EYS: variants seen among roughly 807,000 people sequenced by gnomAD.
EYS encodes the protein EGF-like photoreceptor maintenance factor, also known as protein eyes shut homolog.
In EYS, 250 loss-of-function variants were observed where a neutral mutation model predicts 282.1. The ratio of observed to expected loss-of-function variants is 0.89; its 90% CI spans 0.80 to 0.98. EYS has a LOEUF of 0.98. Among genes scored for constraint, EYS ranks in the 50% least tolerant of loss-of-function variants. The pLI, the probability that EYS is intolerant of heterozygous loss-of-function variation, is 0.00. For synonymous variants in EYS, 1,355 were observed against 1,282.9 expected (o/e 1.06, Z -1.20); for missense variants, 4,016 against 3,709.0 (o/e 1.08, Z -2.15).
chr6:65,001,105 A>G (rs1232670371), intron 13 of EYS, among the ~76,000 whole-genome samples: 5 of 146,358 alleles, frequency 3.4e-5, no homozygotes, highest in Non-Finnish European at 7.7e-5. Flanking sequence ...CCAGTGTTAC[A>G]ATGCTCTCAG....
intron 12 of EYS, among the ~76,000 whole-genome samples, chr6:65,231,029 C>T (rs905934327): frequency 4.2e-5 from 6 of 142,558 alleles, no homozygotes; most frequent in Non-Finnish European, 9.2e-5. Flanking sequence ...AACAAACCTG[C>T]ACTTGTACCC....
chr6:64,010,420 A>C (rs1768564620), intron 33 of EYS, among the ~76,000 whole-genome samples: 1 of 149,188 alleles, frequency 6.7e-6, no homozygotes. Context: ...GTGTGGAGAG[A>C]AGGGGGACAG....
chr6:65,610,511 T>A (rs1253018350), intron 2 of EYS, among the ~76,000 whole-genome samples: 1 of 152,102 alleles, frequency 6.6e-6, no homozygotes, highest in Non-Finnish European at 1.5e-5. Flanking sequence ...AGAACCTTTG[T>A]CAAAAGGTGC....
chr6:65,201,025 T>C (rs1351889174), intron 12 of EYS, among the ~76,000 whole-genome samples: 1 of 152,180 alleles, frequency 6.6e-6, no homozygotes, highest in Non-Finnish European at 1.5e-5. Context: ...ATAGTGATAC[T>C]TTATTTTGAA....
At chr6:63,931,217 A>G (rs1387715000) in intron 35 of EYS, among the ~76,000 whole-genome samples, 1 of 152,180 alleles carries the variant, frequency 6.6e-6, no homozygotes, top group Admixed American at 6.5e-5. Flanking sequence ...GAGCCACCCC[A>G]TACATCTGCT....
At chr6:63,942,875 A>T (rs1765285107) in intron 35 of EYS, among the ~76,000 whole-genome samples, 2 of 152,162 alleles carry the variant, frequency 1.3e-5, no homozygotes, top group Admixed American at 1.3e-4. Flanking sequence ...CAGCCTACTC[A>T]ATGTGAAGAC....
At chr6:64,004,291 C>T (rs1180811951) in intron 33 of EYS, among the ~76,000 whole-genome samples, 1 of 151,502 alleles carries the variant, frequency 6.6e-6, no homozygotes, top group Non-Finnish European at 1.5e-5. Context: ...GAATATATTT[C>T]TTTTTTGTGT....
intron 14 of EYS, among the ~76,000 whole-genome samples, chr6:64,950,628 A>G (rs1046442057): frequency 6.6e-5 from 10 of 151,056 alleles, no homozygotes; most frequent in African/African-American, 2.4e-4. Context: ...ATATTTTATA[A>G]AATTCAATAC....
chr6:64,846,142 C>G (rs1350938723), intron 19 of EYS, among the ~76,000 whole-genome samples: 1 of 152,090 alleles, frequency 6.6e-6, no homozygotes, highest in East Asian at 1.9e-4. Flanking sequence ...TTTCTTATTT[C>G]TGATTAATAC....
At chr6:64,204,330 T>A (rs1765556703) in intron 31 of EYS, among the ~76,000 whole-genome samples, 1 of 152,170 alleles carries the variant, frequency 6.6e-6, no homozygotes, top group Non-Finnish European at 1.5e-5. Flanking sequence ...AAGTTAAACG[T>A]AAACCTACCC....
chr6:65,442,953 CATACATATGTACATATATGTATAT>C (rs998463305), intron 5 of EYS, among the ~76,000 whole-genome samples: 2 of 142,024 alleles, frequency 1.4e-5, no homozygotes, highest in Non-Finnish European at 3.2e-5. Flanking sequence ...TATACATGCA[CATACATATGTACATATATGTATAT>C]ATACATATGT....
At chr6:64,656,870 T>C (rs1302429797) in intron 22 of EYS, among the ~76,000 whole-genome samples, 1 of 152,206 alleles carries the variant, frequency 6.6e-6, no homozygotes, top group South Asian at 2.1e-4. Flanking sequence ...AAGGTTGAAA[T>C]GGTAGGATGA....
Position 65,480,087 on chromosome 6 carries a change from C to T in EYS, c.862+10507G>A, listed in dbSNP as rs550442315. On this transcript the variant is annotated intron_variant, in intron 5 of 42. Coordinates refer to ENST00000503581, the MANE Select transcript of EYS (RefSeq NM_001142800.2). ...GGCTGAGGCAGGAGAATCGCTTGAA[C>T]CCAGGAGGCACAGGTTGCAGTGAGC... Among the ~76,000 whole-genome samples, 39 of 152,070 alleles carry T rather than the reference C, an allele frequency of 2.6e-4. No individual in the cohort carries two copies. In the South Asian group the frequency reaches 3.5e-3, roughly 14 times the overall value.
intron 11 of EYS, among the ~76,000 whole-genome samples, chr6:65,306,981 G>A (rs868741828): frequency 0.043 from 5,966 of 137,740 alleles, 97 homozygotes; most frequent in African/African-American, 0.098. Flanking sequence ...GGGAGTATGC[G>A]TCTAGAGTAA....
intron 22 of EYS, among the ~76,000 whole-genome samples, chr6:64,690,485 C>A (rs1770338693): frequency 6.6e-6 from 1 of 152,048 alleles, no homozygotes; most frequent in East Asian, 1.9e-4. Context: ...TGGGTATATA[C>A]CCAAAGGATT....
At chr6:65,211,449 G>A (rs1582022079) in intron 12 of EYS, among the ~76,000 whole-genome samples, 1 of 151,920 alleles carries the variant, frequency 6.6e-6, no homozygotes. Context: ...AATTTTGATG[G>A]AACAGGACTG....
intron 30 of EYS, among the ~76,000 whole-genome samples, chr6:64,302,734 T>C (rs1769279810): frequency 6.6e-6 from 1 of 152,160 alleles, no homozygotes; most frequent in Non-Finnish European, 1.5e-5. Context: ...AGCACAAGCC[T>C]TATTTACCCT....
intron 11 of EYS, among the ~76,000 whole-genome samples, chr6:65,296,642 TA>T (rs1768674221): frequency 6.6e-6 from 1 of 151,834 alleles, no homozygotes; most frequent in Admixed American, 6.6e-5. Flanking sequence ...TTTAAATCTA[TA>T]ATATTTTGAA....
In EYS at chr6:64,395,783, T is replaced by TA. The variant is rs1561970745; in HGVS notation, c.5928-6944_5928-6943insT. ...ATGTACCCTAAAACTTAAAGTATAA[T>TA]TAAAAAAAAAGAAAAAAAAACAAAA... On this transcript the variant is annotated intron_variant, in intron 28 of 42. Coordinates refer to ENST00000503581, the MANE Select transcript of EYS (RefSeq NM_001142800.2). Among the ~76,000 whole-genome samples the TA allele has an allele frequency of 8.4e-3, 909 of 108,332 alleles. 14 individuals are homozygous for TA. The highest frequency in any genetic ancestry group is 0.042 in the African/African-American group (845 of 20,250). 71.1% of individuals were successfully genotyped at this position (108,332 alleles called of 152,430 possible).
Sources: allele counts gnomAD v4.1 joint callset (sites outside exome capture counted in the v4.1 genomes callset), GRCh38; gene constraint gnomAD v4.1.1; transcripts MANE v1.5; gene names NCBI Gene and HGNC (gene_info 2026-07-23, HGNC 2026-07-21).